The following OSBPL10 variants were observed in gnomAD, a reference collection of about 807,000 sequenced individuals.
The protein encoded by OSBPL10 is oxysterol-binding protein-related protein 10.
Under a neutral mutation model 81.7 loss-of-function variants are expected in OSBPL10, and 49 were observed. That is an observed-to-expected ratio of 0.60 (90% CI 0.48 to 0.76). The LOEUF (loss-of-function observed/expected upper bound fraction) is 0.76, where lower values mean the gene tolerates loss of function less well. OSBPL10 is among the 30% of genes least tolerant of loss of function. The probability of loss-of-function intolerance (pLI) is 0.00; values close to 1 mark genes in which losing one functional copy is unlikely to be tolerated. For missense variants in OSBPL10, 923 were observed against 987.8 expected (o/e 0.93, Z 0.88); for synonymous variants, 419 against 383.6 (o/e 1.09, Z -1.08).
chr3:32,026,105 G>GATAGATGATAGAT, intron 2 of OSBPL10, among the ~76,000 whole-genome samples: 1 of 138,976 alleles, frequency 7.2e-6, no homozygotes, highest in African/African-American at 2.6e-5. Flanking sequence ...TAGATAGATA[G>GATAGATGATAGAT]AGATAGAGAT....
chr3:31,851,427 A>G (rs1700761294), intron 3 of OSBPL10, among the ~76,000 whole-genome samples: 1 of 152,172 alleles, frequency 6.6e-6, no homozygotes, highest in Non-Finnish European at 1.5e-5. Flanking sequence ...AACCGGCAAG[A>G]GCCTCTCCCC....
chr3:31,922,449 T>C (rs1233688157), intron 1 of OSBPL10, among the ~76,000 whole-genome samples: 2 of 152,106 alleles, frequency 1.3e-5, no homozygotes, highest in African/African-American at 4.8e-5. Context: ...TGAAATCCCA[T>C]CTCTACTAAA....
intron 5 of OSBPL10, among the ~76,000 whole-genome samples, chr3:31,740,438 T>C (rs1697305411): frequency 6.6e-6 from 1 of 152,140 alleles, no homozygotes. Context: ...ATTATCTAAG[T>C]ATTATACTAA....
chr3:31,814,117 C>A (rs1699774449), intron 4 of OSBPL10, among the ~76,000 whole-genome samples: 1 of 152,204 alleles, frequency 6.6e-6, no homozygotes, highest in Non-Finnish European at 1.5e-5. Context: ...GTGGAGTCTA[C>A]TCCTGTGCCT....
chr3:31,727,821 T>A (rs1001405274), intron 6 of OSBPL10, among the ~76,000 whole-genome samples: 5 of 152,326 alleles, frequency 3.3e-5, no homozygotes, highest in Admixed American at 2.6e-4. Flanking sequence ...CCTTTATGTA[T>A]CATGGGGATG....
chr3:31,688,190 G>A (rs959762161), intron 7 of OSBPL10, among the ~76,000 whole-genome samples: 8 of 151,376 alleles, frequency 5.3e-5, no homozygotes, highest in Admixed American at 1.3e-4. Flanking sequence ...TAAAATCTAT[G>A]TAAGAGATAA....
rs1699284541 is a variant in OSBPL10 at position 31,798,163 on chromosome 3, G to A, written c.729+31877C>T. The stretch of plus-strand genomic sequence containing the variant: ...ATGCACATGGAGGCCAGGCGCAGTG[G>A]CTCACACCTGTAATCCCAGCACTTT... On this transcript the variant is annotated intron_variant, in intron 4 of 11. Coordinates refer to ENST00000396556, the MANE Select transcript of OSBPL10 (RefSeq NM_017784.5). Among the ~76,000 whole-genome samples the A allele has an allele frequency of 2.0e-5, 3 of 152,220 alleles. No homozygotes were observed. In the South Asian group the frequency reaches 6.2e-4, roughly 32 times the overall value.
At chr3:31,924,081 A>G (rs1696996441) in intron 1 of OSBPL10, among the ~76,000 whole-genome samples, 1 of 151,770 alleles carries the variant, frequency 6.6e-6, no homozygotes, top group Admixed American at 6.6e-5. Context: ...TAGTGGGCAT[A>G]GTGGCAGGCG....
intron 1 of OSBPL10, among the ~76,000 whole-genome samples, chr3:31,912,638 C>A (rs753273294): frequency 2.2e-4 from 33 of 152,174 alleles, no homozygotes; most frequent in Admixed American, 4.6e-4. Flanking sequence ...TTGAGCATGT[C>A]TCTCCTTTGA....
chr3:31,940,551 C>T (rs1697505915), intron 1 of OSBPL10, among the ~76,000 whole-genome samples: 1 of 152,090 alleles, frequency 6.6e-6, no homozygotes, highest in South Asian at 2.1e-4. Context: ...CTGAGAGTGC[C>T]ACAATCTCAT....
intron 1 of OSBPL10, among the ~76,000 whole-genome samples, chr3:31,928,769 A>G (rs1330126723): frequency 1.3e-4 from 19 of 151,878 alleles, no homozygotes; most frequent in African/African-American, 4.6e-4. Flanking sequence ...CTCCAAAAAA[A>G]AAAAAAAAAA....
At chr3:31,944,465 G>T (rs1697637011) in intron 1 of OSBPL10, among the ~76,000 whole-genome samples, 1 of 152,092 alleles carries the variant, frequency 6.6e-6, no homozygotes, top group Admixed American at 6.5e-5. Context: ...TTTTCAAATG[G>T]CAATCCATAT....
chr3:31,920,708 G>A (rs969458398), intron 1 of OSBPL10, among the ~76,000 whole-genome samples: 7 of 152,146 alleles, frequency 4.6e-5, no homozygotes, highest in Admixed American at 6.5e-5. Context: ...TGCCTGGGTC[G>A]TGGGAGGGAG....
chr3:31,854,796 A>ACTTTTTC (rs1700867693), intron 3 of OSBPL10, among the ~76,000 whole-genome samples: 1 of 152,154 alleles, frequency 6.6e-6, no homozygotes, highest in Admixed American at 6.5e-5. Context: ...AATGAATGAA[A>ACTTTTTC]CTTTTTCCTA....
Position 31,849,327 on chromosome 3 carries a change from C to T in OSBPL10, c.538-19096G>A, listed in dbSNP as rs946409457. Among the ~76,000 whole-genome samples the T allele has an allele frequency of 2.4e-3, 371 of 152,246 alleles. 4 individuals carry two copies. Among genetic ancestry groups the T allele is most frequent in the Admixed American group, 0.024 (366 of 15,290 alleles). ...TACAAAGCAATATAGACAGTATGGG[C>T]AATTTGAGGATACATTTATAACATT... is the stretch of plus-strand genomic sequence containing the variant. On this transcript the variant is annotated intron_variant, in intron 3 of 11. Transcript: ENST00000396556.
upstream of OSBPL10, among the ~76,000 whole-genome samples, chr3:31,983,860 C>T (rs1420622898): frequency 6.6e-6 from 1 of 152,174 alleles, no homozygotes. Flanking sequence ...ATTTGAAATA[C>T]ATACTGTAAT....
At chr3:32,071,085 A>C (rs1699825428) in intron 1 of OSBPL10, among the ~76,000 whole-genome samples, 1 of 152,154 alleles carries the variant, frequency 6.6e-6, no homozygotes, top group South Asian at 2.1e-4. Flanking sequence ...TCTCAACAAG[A>C]TACCCTCCTG....
At chr3:32,046,144 C>G (rs1699619675) in intron 2 of OSBPL10, among the ~76,000 whole-genome samples, 1 of 152,182 alleles carries the variant, frequency 6.6e-6, no homozygotes, top group South Asian at 2.1e-4. Flanking sequence ...CTTTGGGAGG[C>G]CAAGGAGGGA....
chr3:31,754,769 T>C (rs1054804051), intron 4 of OSBPL10, among the ~76,000 whole-genome samples: 5 of 152,206 alleles, frequency 3.3e-5, no homozygotes, highest in Admixed American at 2.6e-4. Flanking sequence ...TGGGCATGGC[T>C]GTTTTCCAGT....
Sources: gnomAD v4.1 joint callset for allele counts (sites outside exome capture counted in the v4.1 genomes callset) on GRCh38, gnomAD v4.1.1 for gene constraint, MANE v1.5 for transcripts, NCBI Gene and HGNC (gene_info 2026-07-23, HGNC 2026-07-21) for gene names.